The following POLA1 variants were observed in gnomAD, a reference collection of about 807,000 sequenced individuals.
POLA1 encodes DNA polymerase alpha 1, catalytic subunit.
Under a neutral mutation model 124.0 loss-of-function variants are expected in POLA1, and 15 were observed. The observed-to-expected ratio is 0.12, with a 90% CI of 0.08 to 0.19. The LOEUF (loss-of-function observed/expected upper bound fraction) is 0.19. POLA1 is among the 10% of genes least tolerant of loss of function. The pLI is 1.00. For missense variants in POLA1, 886 were observed against 1,103.4 expected (o/e 0.80, Z 2.79); for synonymous variants, 408 against 389.4 (o/e 1.05, Z -0.56).
At chrX:24,754,741 A>G (rs1457903193) in intron 26 of POLA1, among the ~76,000 whole-genome samples, 1 of 111,532 alleles carries the variant, frequency 9.0e-6, no homozygotes, top group Admixed American at 9.5e-5. Flanking sequence ...ACGTGTATAT[A>G]CATGTGGTGT....
intron 11 of POLA1, among the ~76,000 whole-genome samples, chrX:24,723,983 T>G (rs11573342): frequency 1.8e-5 from 2 of 112,606 alleles, no homozygotes; most frequent in Non-Finnish European, 3.8e-5. Context: ...TCAGTCTGCT[T>G]CTCCTTTTTT....
At chrX:24,981,925 A>G (rs2048425251) in intron 36 of POLA1, among the ~76,000 whole-genome samples, 1 of 112,090 alleles carries the variant, frequency 8.9e-6, no homozygotes, top group African/African-American at 3.2e-5. Flanking sequence ...TTTCTAGCAA[A>G]TTAAGTGCAG....
chrX:24,798,715 A>G (rs747048153), intron 26 of POLA1, among the ~76,000 whole-genome samples: 1 of 111,043 alleles, frequency 9.0e-6, no homozygotes, highest in African/African-American at 3.3e-5. Context: ...TTAAGTTCTA[A>G]GGGAGTCAAA....
At chrX:24,991,489 C>T (rs749659107) in intron 36 of POLA1, among the ~76,000 whole-genome samples, 1 of 112,680 alleles carries the variant, frequency 8.9e-6, no homozygotes, top group East Asian at 2.8e-4. Context: ...CTTCTCGCAT[C>T]GGCCTCTGCT....
chrX:24,931,831 G>A lies in POLA1; in HGVS notation c.4261+1282G>A, dbSNP rs781773765. 2.7e-5 allele frequency among the ~76,000 whole-genome samples: 3 copies of A among 112,019 alleles called. No individual in the cohort carries two copies. In the East Asian group the frequency reaches 8.4e-4, roughly 31 times the overall value. Reference sequence around the variant, plus strand: ...AAAATTAAGTACTGATTATCTGAACGCATTATCTGTTTCTATCAGGTCTGT... The same window carrying A: ...AAAATTAAGTACTGATTATCTGAACACATTATCTGTTTCTATCAGGTCTGT... On this transcript the variant is annotated intron_variant, in intron 36 of 36. Transcript: ENST00000379068.
Position 24,788,961 on chromosome X carries a change from C to A in POLA1, c.2965-20937C>A, listed in dbSNP as rs756789630. On this transcript the variant is annotated intron_variant, in intron 26 of 36. Transcript: ENST00000379068. ...AGTGGGCTGGACACGGCTTCAAATA[C>A]TGCCACATCTGCTTGTGATGGCACA... 19 of 1,208,618 alleles carry A rather than the reference C, an allele frequency of 1.6e-5. No homozygotes were observed. The South Asian group carries it at 3.3e-4, about 21-fold the overall frequency.
At chrX:24,747,749 T>C (rs1285234138) in intron 24 of POLA1, among the ~76,000 whole-genome samples, 1 of 107,112 alleles carries the variant, frequency 9.3e-6, no homozygotes, top group Non-Finnish European at 1.9e-5. Flanking sequence ...TTTTTTTTTT[T>C]TTTAAGACAG....
At chrX:24,954,627 A>G (rs2048085376) in intron 36 of POLA1, among the ~76,000 whole-genome samples, 1 of 112,382 alleles carries the variant, frequency 8.9e-6, no homozygotes, top group Admixed American at 9.4e-5. Flanking sequence ...TATCTGATTT[A>G]TGGTAGGTGT....
intron 36 of POLA1, among the ~76,000 whole-genome samples, chrX:24,976,277 C>G (rs1246042381): frequency 8.9e-6 from 1 of 111,996 alleles, no homozygotes; most frequent in Non-Finnish European, 1.9e-5. Context: ...AGCCCCAAAG[C>G]AAGCTCAAAT....
chrX:24,939,404 T>C (rs2047887704), intron 36 of POLA1, among the ~76,000 whole-genome samples: 1 of 112,487 alleles, frequency 8.9e-6, no homozygotes, highest in Non-Finnish European at 1.9e-5. Context: ...TTAAAATGTA[T>C]TGTGCTTACA....
intron 35 of POLA1, among the ~76,000 whole-genome samples, chrX:24,928,427 G>A (rs1478608177): frequency 1.8e-5 from 2 of 112,047 alleles, no homozygotes; most frequent in East Asian, 2.8e-4. Flanking sequence ...GTTAACCAAC[G>A]GAAGGACTGA....
chrX:24,966,661 T>C (rs969647229), intron 36 of POLA1, among the ~76,000 whole-genome samples: 9 of 111,968 alleles, frequency 8.0e-5, no homozygotes, highest in African/African-American at 2.6e-4. Flanking sequence ...GCCCCATTTT[T>C]CCTAAGCAAA....
intron 22 of POLA1, 87 bp downstream of exon 22, chrX:24,742,208 C>T (rs1436630566): frequency 3.7e-6 from 3 of 815,796 alleles, no homozygotes; most frequent in Non-Finnish European, 5.1e-6. Context: ...TCTGTGATAA[C>T]ATCTGCTTTC....
intron 4 of POLA1, among the ~76,000 whole-genome samples, chrX:24,710,371 A>G (rs1470497569): frequency 9.0e-6 from 1 of 111,722 alleles, no homozygotes; most frequent in East Asian, 2.8e-4. Context: ...ATATAAATGA[A>G]TCATGCAGTA....
intron 36 of POLA1, among the ~76,000 whole-genome samples, chrX:24,994,491 G>A (rs925774089): frequency 1.8e-5 from 2 of 112,406 alleles, no homozygotes; most frequent in South Asian, 7.3e-4. Flanking sequence ...GGGCAGCCTT[G>A]CTGCTCCCAG....
intron 34 of POLA1, among the ~76,000 whole-genome samples, chrX:24,861,963 G>T (rs1223574349): frequency 9.0e-6 from 1 of 111,435 alleles, no homozygotes; most frequent in Admixed American, 9.5e-5. Context: ...GATAATGCTG[G>T]CTATATGCAC....
intron 26 of POLA1, among the ~76,000 whole-genome samples, chrX:24,789,481 A>G (rs1253854329): frequency 8.9e-6 from 1 of 112,051 alleles, no homozygotes; most frequent in Non-Finnish European, 1.9e-5. Flanking sequence ...ATTATAAACT[A>G]TAAAACATTG....
chrX:24,891,112 A>C (rs2147144377), intron 35 of POLA1, among the ~76,000 whole-genome samples: 1 of 112,600 alleles, frequency 8.9e-6, no homozygotes, highest in South Asian at 3.6e-4. Context: ...TTCGAGGATG[A>C]TGTTGATAGT....
At chrX:24,731,550 T>G (rs751823977) in intron 15 of POLA1, among the ~76,000 whole-genome samples, 1 of 112,028 alleles carries the variant, frequency 8.9e-6, no homozygotes, top group Non-Finnish European at 1.9e-5. Context: ...GGTTGTCAGC[T>G]GGGTGAGATT....
Sources: allele counts gnomAD v4.1 joint callset (sites outside exome capture counted in the v4.1 genomes callset), GRCh38; gene constraint gnomAD v4.1.1; transcripts MANE v1.5; gene names NCBI Gene and HGNC (gene_info 2026-07-23, HGNC 2026-07-21).